ZNF385D: variants seen among roughly 807,000 people sequenced by gnomAD.
ZNF385D encodes the protein zinc finger protein 385D.
ZNF385D carries 15 observed loss-of-function variants against 35.8 expected under a neutral mutation model. The observed-to-expected ratio is 0.42, with a 90% CI of 0.28 to 0.64. ZNF385D has a LOEUF of 0.64. Among genes scored for constraint, ZNF385D ranks in the 30% least tolerant of loss-of-function variants. ZNF385D has a pLI of 0.23. For missense variants in ZNF385D, 474 were observed against 494.6 expected (o/e 0.96, Z 0.39); for synonymous variants, 212 against 186.8 (o/e 1.13, Z -1.10).
chr3:21,904,828 A>G (rs1362578937), intron 3 of ZNF385D, among the ~76,000 whole-genome samples: 1 of 152,164 alleles, frequency 6.6e-6, no homozygotes, highest in Non-Finnish European at 1.5e-5. Context: ...TACTTATGAG[A>G]AAATAAGAAA....
intron 1 of ZNF385D, among the ~76,000 whole-genome samples, chr3:21,734,091 C>T (rs976601470): frequency 6.6e-6 from 1 of 152,094 alleles, no homozygotes; most frequent in Non-Finnish European, 1.5e-5. Flanking sequence ...TAGTATCACT[C>T]TGCCTAGTTC....
chr3:22,068,473 C>T (rs1465695713), intron 3 of ZNF385D, among the ~76,000 whole-genome samples: 1 of 152,124 alleles, frequency 6.6e-6, no homozygotes. Context: ...CCCCCACACC[C>T]CATTTCTCTT....
intron 2 of ZNF385D, among the ~76,000 whole-genome samples, chr3:22,285,542 T>C (rs1701981525): frequency 6.6e-6 from 1 of 152,056 alleles, no homozygotes; most frequent in South Asian, 2.1e-4. Flanking sequence ...TTATTTATTT[T>C]TTATTATACT....
intron 3 of ZNF385D, among the ~76,000 whole-genome samples, chr3:21,894,250 G>C (rs1037826615): frequency 6.6e-6 from 1 of 152,008 alleles, no homozygotes; most frequent in African/African-American, 2.4e-5. Flanking sequence ...GAGACCATTA[G>C]GTTAATAATC....
At chr3:21,779,630 G>A (rs2071417048) in intron 3 of ZNF385D, among the ~76,000 whole-genome samples, 1 of 151,704 alleles carries the variant, frequency 6.6e-6, no homozygotes, top group Non-Finnish European at 1.5e-5. Flanking sequence ...AAAAGAAGGG[G>A]GTAAGAAATT....
At chr3:21,993,519 T>C (rs1011812612) in intron 3 of ZNF385D, among the ~76,000 whole-genome samples, 2 of 152,200 alleles carry the variant, frequency 1.3e-5, no homozygotes, top group Non-Finnish European at 2.9e-5. Context: ...ACATACTGAT[T>C]CTGGATTTTA....
rs548270881 is a variant in ZNF385D at position 22,223,731 on chromosome 3, G to A, written c.107-54696C>T. 5.5e-4 allele frequency among the ~76,000 whole-genome samples: 84 copies of A among 152,288 alleles called. 1 individual carries two copies. The highest frequency in any genetic ancestry group is 1.9e-3 in the African/African-American group (78 of 41,570). ...ACAAAAATGTCCAACAACGTGTCAA[G>A]AGAAAATAAGGTGAGTGGAACATTT... On this transcript the variant is annotated intron_variant, in intron 2 of 5. Transcript: ENST00000494108.
intron 2 of ZNF385D, among the ~76,000 whole-genome samples, chr3:22,242,368 C>G (rs1364058338): frequency 6.6e-6 from 1 of 151,008 alleles, no homozygotes; most frequent in East Asian, 2.0e-4. Context: ...CAAAACACAG[C>G]TAGAGAACCT....
chr3:22,198,262 G>T (rs1195585313), intron 2 of ZNF385D, among the ~76,000 whole-genome samples: 1 of 152,012 alleles, frequency 6.6e-6, no homozygotes, highest in Non-Finnish European at 1.5e-5. Flanking sequence ...GATAAAGATT[G>T]TATATTTAGA....
At chr3:22,363,007 C>A (rs990975104) in intron 2 of ZNF385D, among the ~76,000 whole-genome samples, 1 of 152,126 alleles carries the variant, frequency 6.6e-6, no homozygotes. Flanking sequence ...ACGAGATCAG[C>A]AAAGAACTGA....
chr3:21,586,904 G>A (rs2063827502), intron 2 of ZNF385D, among the ~76,000 whole-genome samples: 1 of 152,058 alleles, frequency 6.6e-6, no homozygotes, highest in Non-Finnish European at 1.5e-5. Context: ...AGAGGAAAGG[G>A]GTTGTTTACT....
intron 3 of ZNF385D, among the ~76,000 whole-genome samples, chr3:21,766,944 C>T (rs1233453782): frequency 1.3e-5 from 2 of 152,034 alleles, no homozygotes; most frequent in Admixed American, 6.6e-5. Context: ...TAATCCGACA[C>T]TTGACTCAAG....
chr3:21,917,160 G>A (rs1402073898), intron 3 of ZNF385D, among the ~76,000 whole-genome samples: 13 of 152,164 alleles, frequency 8.5e-5, no homozygotes, highest in African/African-American at 1.7e-4. Context: ...GGCCTGGTGC[G>A]GTGGCTCATG....
intron 3 of ZNF385D, among the ~76,000 whole-genome samples, chr3:22,127,498 C>T (rs1375636745): frequency 6.6e-6 from 1 of 151,692 alleles, no homozygotes; most frequent in Non-Finnish European, 1.5e-5. Flanking sequence ...TGCCACCACA[C>T]CCAGTTAATT....
At chr3:21,697,070 G>A (rs368260112) in intron 1 of ZNF385D, among the ~76,000 whole-genome samples, 1 of 152,162 alleles carries the variant, frequency 6.6e-6, no homozygotes, top group African/African-American at 2.4e-5. Flanking sequence ...TTCTCTAAGA[G>A]CAGCCTGCCT....
intron 2 of ZNF385D, among the ~76,000 whole-genome samples, chr3:22,202,760 A>G (rs940193222): frequency 5.3e-5 from 8 of 152,094 alleles, no homozygotes; most frequent in Non-Finnish European, 1.0e-4. Context: ...AAGACAGCAC[A>G]TTGAATGTGG....
intron 4 of ZNF385D, among the ~76,000 whole-genome samples, chr3:21,451,165 C>A (rs1171638002): frequency 6.6e-6 from 1 of 151,960 alleles, no homozygotes; most frequent in South Asian, 2.1e-4. Context: ...ATATGACGAA[C>A]CAATCAATAC....
intron 2 of ZNF385D, among the ~76,000 whole-genome samples, chr3:21,593,932 T>A (rs952989459): frequency 1.3e-5 from 2 of 152,168 alleles, no homozygotes; most frequent in Non-Finnish European, 2.9e-5. Context: ...TCACTGCTGC[T>A]TCCTGTCTAA....
At chr3:22,005,560 T>C (rs768882776) in intron 3 of ZNF385D, among the ~76,000 whole-genome samples, 4 of 152,088 alleles carry the variant, frequency 2.6e-5, no homozygotes. Flanking sequence ...GATTTGACCA[T>C]TGCACAATTA....
Sources: allele counts gnomAD v4.1 joint callset (sites outside exome capture counted in the v4.1 genomes callset), GRCh38; gene constraint gnomAD v4.1.1; transcripts MANE v1.5; gene names NCBI Gene and HGNC (gene_info 2026-07-23, HGNC 2026-07-21).